Variants in BIN1 observed in about 807,000 individuals in gnomAD.
BIN1 encodes the protein bridging integrator 1.
BIN1 carries 53 observed loss-of-function variants against 82.0 expected under a neutral mutation model. The ratio of observed to expected loss-of-function variants is 0.65; its 90% CI spans 0.52 to 0.81. The LOEUF is 0.81. Among genes scored for constraint, BIN1 ranks in the 40% least tolerant of loss-of-function variants. The probability of loss-of-function intolerance (pLI) is 0.00; values close to 1 mark genes in which losing one functional copy is unlikely to be tolerated. For missense variants in BIN1, 642 were observed against 784.4 expected (o/e 0.82, Z 2.17); for synonymous variants, 302 against 328.0 (o/e 0.92, Z 0.86).
chr2:127,092,829 G>A (rs1306421709), intron 1 of BIN1, among the ~76,000 whole-genome samples: 1 of 152,186 alleles, frequency 6.6e-6, no homozygotes, highest in Non-Finnish European at 1.5e-5. Context: ...AGAGGACAGA[G>A]GTCCCAGAAG....
chr2:127,071,398 A>G (rs1169161919), intron 2 of BIN1, among the ~76,000 whole-genome samples: 1 of 152,104 alleles, frequency 6.6e-6, no homozygotes, highest in Non-Finnish European at 1.5e-5. Context: ...TGCGGTGGTC[A>G]TGGCCAGGAT....
intron 1 of BIN1, among the ~76,000 whole-genome samples, chr2:127,089,047 T>C (rs1678567975): frequency 6.6e-6 from 1 of 151,978 alleles, no homozygotes; most frequent in African/African-American, 2.4e-5. Context: ...CCCTTGGGCA[T>C]GATTCCATAG....
intron 1 of BIN1, among the ~76,000 whole-genome samples, chr2:127,099,350 A>C (rs946537931): frequency 6.7e-6 from 1 of 149,408 alleles, no homozygotes; most frequent in Non-Finnish European, 1.5e-5. Context: ...CCCAGGGTGC[A>C]TGTGTGTGTG....
At chr2:127,091,174 A>G (rs1289440779) in intron 1 of BIN1, among the ~76,000 whole-genome samples, 1 of 151,714 alleles carries the variant, frequency 6.6e-6, no homozygotes, top group Non-Finnish European at 1.5e-5. Context: ...GAATGCCCAG[A>G]GTCAGCTTTA....
intron 1 of BIN1, among the ~76,000 whole-genome samples, chr2:127,095,122 T>G (rs1270929804): frequency 6.6e-6 from 1 of 152,212 alleles, no homozygotes; most frequent in African/African-American, 2.4e-5. Flanking sequence ...AGAACAAGAT[T>G]TGGGTCCTGT....
intron 1 of BIN1, chr2:127,081,900 C>A: frequency 7.8e-7 from 1 of 1,277,088 alleles, no homozygotes; most frequent in Non-Finnish European, 1.0e-6. Flanking sequence ...CCTGTCTCGC[C>A]CCTTCCTCCC....
intron 7 of BIN1, among the ~76,000 whole-genome samples, chr2:127,065,601 G>A (rs1260322372): frequency 6.6e-6 from 1 of 152,156 alleles, no homozygotes; most frequent in Non-Finnish European, 1.5e-5. Context: ...CATTCCGTAA[G>A]AACCTGCCTG....
At chr2:127,062,381 G>A (rs1432375221) in intron 9 of BIN1, among the ~76,000 whole-genome samples, 184 bp from the exon 10 acceptor site, 3 of 152,158 alleles carry the variant, frequency 2.0e-5, no homozygotes, top group South Asian at 2.1e-4. Context: ...GCAACAAAAC[G>A]GGGCAAGTGG....
chr2:127,076,669 T>C lies in BIN1; in HGVS notation c.122A>G (p.Asp41Gly). The change falls in exon 2 of 19, where the codon GAT (aspartate) becomes GGT (glycine). Residue 41 changes from aspartate to glycine, a missense_variant. Transcript: ENST00000316724. ...CTGGACGCACTGCTCAAACTGCTCA[T>C]CCTTGGTCTCATCTGCCTTCCCCAG... ...QKLGKADETK[D>G]EQFEQCVQNF... 6.2e-7 allele frequency: 1 copy of C among 1,614,134 alleles called. No individual in the cohort carries two copies. The highest frequency in any genetic ancestry group is 8.5e-7 in the Non-Finnish European group (1 of 1,180,042).
Position 127,082,714 on chromosome 2 carries a change from G to A in BIN1, c.85-6008C>T, listed in dbSNP as rs1004119146. 4.6e-5 allele frequency among the ~76,000 whole-genome samples: 7 copies of A among 152,196 alleles called. No homozygotes were observed. The highest frequency in any genetic ancestry group is 1.9e-4 in the East Asian group (1 of 5,178). Reference sequence around the variant, plus strand: ...TCCTCCAAGCCCATCTCTCAAATGCGAGCTGTCCCTGCAACCAGACACACA... The same window carrying A: ...TCCTCCAAGCCCATCTCTCAAATGCAAGCTGTCCCTGCAACCAGACACACA... On this transcript the variant is annotated intron_variant, in intron 1 of 18. Coordinates refer to ENST00000316724, the MANE Select transcript of BIN1 (RefSeq NM_139343.3). The surrounding 1 kb of genome is among the most constrained non-coding windows in gnomAD (Gnocchi z 6.1).
chr2:127,054,386 C>T (rs1019236788), intron 12 of BIN1: 1 of 327,684 alleles, frequency 3.1e-6, no homozygotes, highest in Non-Finnish European at 5.9e-6. Flanking sequence ...CCCCTCCCCA[C>T]CAATGCCCGA....
intron 14 of BIN1, 56 bp downstream of exon 14, chr2:127,053,366 A>G: frequency 6.2e-7 from 1 of 1,608,404 alleles, no homozygotes; most frequent in East Asian, 2.2e-5. Context: ...GGGCCTGGAC[A>G]CATACGGAAG....
At chr2:127,048,739 T>C in intron 18 of BIN1, 106 bp from the exon 19 acceptor site, 1 of 1,075,002 alleles carries the variant, frequency 9.3e-7, no homozygotes, top group Non-Finnish European at 1.4e-6. Context: ...CCTCCTGCTG[T>C]TGGTGCCTCA....
In BIN1 at chr2:127,052,342, G is replaced by A; in HGVS notation, c.1284C>T (p.Gly428=). The A allele has an allele frequency of 6.3e-7, 1 of 1,583,622 alleles. No individual in the cohort carries two copies. Among genetic ancestry groups the A allele is most frequent in the Non-Finnish European group, 8.6e-7 (1 of 1,165,424 alleles). The change falls in exon 15 of 19, where the codon GGC becomes GGT. Residue 428 remains glycine, a synonymous_variant. Transcript: ENST00000316724. ...DLWEPTESPA[G]SLPSGEPSAA... ...CGCTGGGCTCCCCGGAAGGCAGGCTGCCGGCTGGACTCTCTGTGGGCTGGT... is the reference window on the plus strand; with the variant it reads ...CGCTGGGCTCCCCGGAAGGCAGGCTACCGGCTGGACTCTCTGTGGGCTGGT...
chr2:127,091,537 G>C (rs558042402), intron 1 of BIN1, among the ~76,000 whole-genome samples: 12 of 152,346 alleles, frequency 7.9e-5, no homozygotes, highest in African/African-American at 2.9e-4. Flanking sequence ...CTGGAGGAAA[G>C]TTGGGAAGGA....
chr2:127,099,432 T>G (rs951490582), intron 1 of BIN1, among the ~76,000 whole-genome samples: 1 of 152,056 alleles, frequency 6.6e-6, no homozygotes. Flanking sequence ...AAAAAACAAC[T>G]AGTATGACCA....
intron 2 of BIN1, 81 bp from the exon 3 acceptor site, chr2:127,070,897 G>A (rs1046199528): frequency 1.6e-5 from 22 of 1,407,484 alleles, no homozygotes; most frequent in Admixed American, 6.0e-5. Flanking sequence ...CCACCCTCAC[G>A]TGAATGAACC....
rs2105378351 is a variant in BIN1, at chr2:127,106,846, T to A, written c.84+14A>T. On this transcript the variant is annotated intron_variant, in intron 1 of 18. Transcript: ENST00000316724. ...GCTGGGACTCCGCGGCTGCTGGGGC[T>A]CCGGCTCGCTCACCTTCTCCTGCGC... 1 of 1,591,686 alleles carries A rather than the reference T, an allele frequency of 6.3e-7. No homozygotes were observed. The highest frequency in any genetic ancestry group is 1.7e-5 in the Admixed American group (1 of 58,350).
chr2:127,106,648 G>C (rs900847809), intron 1 of BIN1, among the ~76,000 whole-genome samples: 1 of 151,986 alleles, frequency 6.6e-6, no homozygotes, highest in Non-Finnish European at 1.5e-5. Context: ...GGCCGGGTGT[G>C]GGGAGACAGA....
Sources: gnomAD v4.1 joint callset for allele counts (sites outside exome capture counted in the v4.1 genomes callset) on GRCh38, gnomAD v4.1.1 for gene constraint, Gnocchi (gnomAD v3.1) non-coding constraint, MANE v1.5 for transcripts, NCBI Gene and HGNC (gene_info 2026-07-23, HGNC 2026-07-21) for gene names.